RARRES1: variants seen among roughly 807,000 people sequenced by gnomAD.
RARRES1 encodes the protein retinoic acid receptor responder protein 1.
A neutral mutation model predicts 30.6 loss-of-function variants in RARRES1; 34 were observed. The observed-to-expected ratio is 1.11, with a 90% CI of 0.84 to 1.48. RARRES1 has a LOEUF of 1.48. Among genes scored for constraint, RARRES1 ranks in the 40% most tolerant of loss-of-function variants. The pLI is 0.00. For missense variants in RARRES1, 373 were observed against 386.5 expected, an observed-to-expected ratio of 0.97 and a Z score of 0.29; for synonymous variants, 153 against 155.5, an observed-to-expected ratio of 0.98 and a Z score of 0.12.
Position 158,697,463 on chromosome 3 carries a change from C to A in RARRES1, c.*215G>T. 2.0e-6 allele frequency: 1 copy of A among 495,592 alleles called. No homozygotes were observed. 30.7% of individuals were successfully genotyped at this position (495,592 alleles called of 1,614,324 possible). On this transcript the variant is annotated 3_prime_UTR_variant, in exon 6 of 6. Transcript: ENST00000237696. ...GGAACCTGCTGGTGACTGTTTAGCACTGAGCAGAGTTCAGTGTGCATGCGC... is the reference window on the plus strand; with the variant it reads ...GGAACCTGCTGGTGACTGTTTAGCAATGAGCAGAGTTCAGTGTGCATGCGC...
chr3:158,697,019 TAAGC>T lies in RARRES1; in HGVS notation c.*655_*658del, dbSNP rs1726567946. On this transcript the variant is annotated 3_prime_UTR_variant, in exon 6 of 6. Coordinates refer to ENST00000237696, the MANE Select transcript of RARRES1 (RefSeq NM_206963.2). The stretch of plus-strand genomic sequence containing the variant: ...GTTCTATTATTTGTAAAATTTAAGT[TAAGC>T]AATATTACCATTTCATTTAATTCCA... 6.6e-6 allele frequency: 1 copy of T among 152,240 alleles called. No individual in the cohort carries two copies. The highest frequency in any genetic ancestry group is 6.5e-5 in the Admixed American group (1 of 15,282). The allele number at this position is 152,240 out of a possible 1,614,324, so 9.4% of individuals were successfully genotyped here.
intron 1 of RARRES1, among the ~76,000 whole-genome samples, chr3:158,719,821 C>G (rs1414103598): frequency 6.6e-6 from 1 of 152,160 alleles, no homozygotes; most frequent in African/African-American, 2.4e-5. Flanking sequence ...GACCTGAACT[C>G]ATCACACTAG....
At chr3:158,732,005 C>T (rs1240042163) in intron 1 of RARRES1, 135 bp downstream of exon 1, 18 of 941,752 alleles carry the variant, frequency 1.9e-5, no homozygotes, top group Non-Finnish European at 2.4e-5. Context: ...CTGGGATCTC[C>T]CCGGGCGTCG....
chr3:158,719,269 A>ATTTTT (rs574609197), intron 1 of RARRES1, among the ~76,000 whole-genome samples: 1 of 122,142 alleles, frequency 8.2e-6, no homozygotes, highest in African/African-American at 3.3e-5. Context: ...TTATGCTCTA[A>ATTTTT]TTTTTTTTTT....
At chr3:158,717,029 G>A (rs942521049) in intron 1 of RARRES1, among the ~76,000 whole-genome samples, 7 of 152,250 alleles carry the variant, frequency 4.6e-5, no homozygotes, top group Middle Eastern at 3.4e-3. Context: ...CAAGAGCCCC[G>A]TGCTGTTTTG....
In RARRES1 at chr3:158,700,403, T is replaced by G. The variant is rs182647330; in HGVS notation, c.673-2433A>C. The stretch of plus-strand genomic sequence containing the variant: ...ATTCCAGCCCCATTTGACAGACTAT[T>G]TTGGTAAAAGCACAAAGAGTGTTAC... On this transcript the variant is annotated intron_variant, in intron 4 of 5. Coordinates refer to ENST00000237696, the MANE Select transcript of RARRES1 (RefSeq NM_206963.2). Among the ~76,000 whole-genome samples, 696 of 152,058 alleles carry G rather than the reference T, an allele frequency of 4.6e-3. 2 individuals are homozygous for G. Among genetic ancestry groups the G allele is most frequent in the Non-Finnish European group, 7.4e-3 (506 of 67,992 alleles).
intron 2 of RARRES1, among the ~76,000 whole-genome samples, chr3:158,712,409 T>A (rs934574200): frequency 5.9e-5 from 9 of 151,932 alleles, no homozygotes; most frequent in Non-Finnish European, 1.3e-4. Flanking sequence ...AAATAAAAAT[T>A]AAAAATAAAA....
chr3:158,706,649 T>G (rs944650338), intron 3 of RARRES1, among the ~76,000 whole-genome samples: 6 of 152,112 alleles, frequency 3.9e-5, no homozygotes, highest in African/African-American at 1.4e-4. Flanking sequence ...GATGAAAAGA[T>G]TAGTCCAAAA....
intron 1 of RARRES1, among the ~76,000 whole-genome samples, chr3:158,720,273 T>TGTGTGTGTGAGA (rs1160861397): frequency 6.9e-6 from 1 of 144,450 alleles, no homozygotes; most frequent in African/African-American, 2.6e-5. Context: ...TGTATGTGTG[T>TGTGTGTGTGAGA]GAGAGAGAGA....
chr3:158,722,726 C>T (rs1033402780), intron 1 of RARRES1, among the ~76,000 whole-genome samples: 3 of 151,644 alleles, frequency 2.0e-5, no homozygotes, highest in African/African-American at 7.3e-5. Flanking sequence ...ACTAAAAATA[C>T]AAAAAATTAG....
intron 1 of RARRES1, among the ~76,000 whole-genome samples, chr3:158,727,978 A>G (rs1037575228): frequency 3.3e-5 from 5 of 152,176 alleles, no homozygotes; most frequent in Non-Finnish European, 1.5e-5. Flanking sequence ...AATGAAAGAT[A>G]ACTTGACGCG....
chr3:158,730,180 C>T (rs531631722), intron 1 of RARRES1, among the ~76,000 whole-genome samples: 3 of 152,020 alleles, frequency 2.0e-5, no homozygotes, highest in East Asian at 2.0e-4. Flanking sequence ...CTTAGCCAGG[C>T]GTGGTGGCAC....
intron 1 of RARRES1, among the ~76,000 whole-genome samples, chr3:158,725,456 A>G (rs751182551): frequency 6.6e-6 from 1 of 152,080 alleles, no homozygotes; most frequent in Non-Finnish European, 1.5e-5. Context: ...CAGCAGAACA[A>G]CCTAGGTCCT....
At chr3:158,702,091 G>T (rs1177286802) in intron 4 of RARRES1, among the ~76,000 whole-genome samples, 1 of 152,154 alleles carries the variant, frequency 6.6e-6, no homozygotes, top group East Asian at 1.9e-4. Context: ...AGGCTGGAGT[G>T]CACTAGCACG....
At chr3:158,722,714 C>G (rs1485813688) in intron 1 of RARRES1, among the ~76,000 whole-genome samples, 3 of 151,822 alleles carry the variant, frequency 2.0e-5, no homozygotes, top group Non-Finnish European at 2.9e-5. Context: ...AACCCCATCT[C>G]TACTAAAAAT....
intron 2 of RARRES1, among the ~76,000 whole-genome samples, chr3:158,712,401 ATAAAAAT>A (rs1391865338): frequency 6.6e-6 from 1 of 152,200 alleles, no homozygotes; most frequent in Non-Finnish European, 1.5e-5. Flanking sequence ...GAATAAATAA[ATAAAAAT>A]TAAAAATAAA....
chr3:158,716,653 G>A (rs570499197), intron 1 of RARRES1, among the ~76,000 whole-genome samples: 130 of 151,442 alleles, frequency 8.6e-4, no homozygotes, highest in Non-Finnish European at 1.6e-3. Flanking sequence ...GCACGATCTC[G>A]GCTCACTGCA....
Position 158,732,232 on chromosome 3 carries a change from C to A in RARRES1, c.184G>T (p.Ala62Ser), listed in dbSNP as rs1478561557. ...AGVPRRLLQQ[A>S]ARAALHFFNF... ...AAGAAGTGAAGCGCCGCGCGCGCCG[C>A]CTGCTGCAGGAGCCTGCGCGGGACC... The change falls in exon 1 of 6, where the codon GCG becomes TCG. Residue 62 changes from alanine (A) to serine (S), a missense_variant. By Grantham distance (99) the Ala-to-Ser change is moderately conservative (BLOSUM62 1). Coordinates refer to ENST00000237696, the MANE Select transcript of RARRES1 (RefSeq NM_206963.2). 3 of 1,398,912 alleles carry A rather than the reference C, an allele frequency of 2.1e-6. No homozygotes were observed. Among genetic ancestry groups the A allele is most frequent in the Non-Finnish European group, 2.8e-6 (3 of 1,084,180 alleles). 86.7% of individuals were successfully genotyped at this position (1,398,912 alleles called of 1,614,324 possible). A position where few individuals can be genotyped will look rare whatever the true frequency, so the allele number is the denominator to read the frequency against.
rs951186730 is a variant in RARRES1, at chr3:158,704,942, A to C, written c.536-15T>G. 1 of 1,600,960 alleles carries C rather than the reference A, an allele frequency of 6.2e-7. No homozygotes were observed. Among genetic ancestry groups the C allele is most frequent in the Non-Finnish European group, 8.5e-7 (1 of 1,176,624 alleles). On this transcript the variant is annotated splice_polypyrimidine_tract_variant and intron_variant, in intron 3 of 5. Transcript: ENST00000237696. The stretch of plus-strand genomic sequence containing the variant: ...TCCATGATTATCTGAGAGAGACAAA[A>C]AAAGCACATTTGTATTAATGCATTT...
Sources: gnomAD v4.1 joint callset for allele counts (sites outside exome capture counted in the v4.1 genomes callset) on GRCh38, gnomAD v4.1.1 for gene constraint, MANE v1.5 for transcripts, NCBI Gene and HGNC (gene_info 2026-07-23, HGNC 2026-07-21) for gene names.